CAMTA1: variants seen among roughly 807,000 people sequenced by gnomAD.
CAMTA1 encodes the protein calmodulin-binding transcription activator 1.
A neutral mutation model predicts 170.9 loss-of-function variants in CAMTA1; 27 were observed. That is an observed-to-expected ratio of 0.16 (90% CI 0.12 to 0.22). The LOEUF is 0.22. CAMTA1 is among the 10% of genes least tolerant of loss of function. The pLI, the probability that CAMTA1 is intolerant of heterozygous loss-of-function variation, is 1.00. For synonymous variants in CAMTA1, 833 were observed against 891.5 expected, an observed-to-expected ratio of 0.93 and a Z score of 1.17; for missense variants, 1,619 against 2,217.2, an observed-to-expected ratio of 0.73 and a Z score of 5.42.
chr1:6,821,317 A>G (rs543961965), intron 2 of CAMTA1, among the ~76,000 whole-genome samples: 2 of 152,340 alleles, frequency 1.3e-5, no homozygotes, highest in South Asian at 2.1e-4. Context: ...TATTTTGGAT[A>G]TATGGTGATT....
chr1:7,309,362 C>T (rs1339726482), intron 5 of CAMTA1, among the ~76,000 whole-genome samples: 1 of 134,090 alleles, frequency 7.5e-6, no homozygotes, highest in East Asian at 2.3e-4. Flanking sequence ...TGCAGTGACA[C>T]GATCTCAGCT....
chr1:6,794,975 A>G (rs1569954874), intron 1 of CAMTA1, among the ~76,000 whole-genome samples: 1 of 149,916 alleles, frequency 6.7e-6, no homozygotes, highest in South Asian at 2.1e-4. Context: ...GTTCCACCCC[A>G]TATTATTCAG....
At chr1:7,034,552 C>T (rs774325181) in intron 3 of CAMTA1, among the ~76,000 whole-genome samples, 15 of 152,214 alleles carry the variant, frequency 9.9e-5, no homozygotes, top group Non-Finnish European at 2.1e-4. Context: ...TTGAAGCAGC[C>T]TCTGCACAGC....
At chr1:7,230,226 G>A (rs929997721) in intron 4 of CAMTA1, among the ~76,000 whole-genome samples, 11 of 152,102 alleles carry the variant, frequency 7.2e-5, no homozygotes, top group African/African-American at 1.7e-4. Context: ...GGTTGCCAGC[G>A]CCCTCCTGAA....
intron 11 of CAMTA1, among the ~76,000 whole-genome samples, chr1:7,695,967 C>G (rs1270732330): frequency 6.6e-6 from 1 of 152,180 alleles, no homozygotes; most frequent in African/African-American, 2.4e-5. Flanking sequence ...CTCCTCTCTT[C>G]ATGACCTTGG....
At chr1:6,923,021 C>G (rs776114492) in intron 3 of CAMTA1, among the ~76,000 whole-genome samples, 10 of 152,058 alleles carry the variant, frequency 6.6e-5, no homozygotes, top group Non-Finnish European at 1.2e-4. Flanking sequence ...AAATAAGTAT[C>G]AATTAAGCTG....
intron 4 of CAMTA1, among the ~76,000 whole-genome samples, chr1:7,229,058 G>A (rs1256161454): frequency 6.6e-6 from 1 of 152,096 alleles, no homozygotes; most frequent in Non-Finnish European, 1.5e-5. Flanking sequence ...TGGAGCAGGT[G>A]GAGGGGAGCC....
At chr1:7,089,739 A>G (rs1317615188) in intron 3 of CAMTA1, among the ~76,000 whole-genome samples, 1 of 152,150 alleles carries the variant, frequency 6.6e-6, no homozygotes, top group Non-Finnish European at 1.5e-5. Flanking sequence ...AGCAATTAGA[A>G]TGCAGAGTGA....
chr1:7,072,641 G>A (rs1340204226), intron 3 of CAMTA1, among the ~76,000 whole-genome samples: 2 of 152,226 alleles, frequency 1.3e-5, no homozygotes. Flanking sequence ...GGGGTGGAGG[G>A]CCAGGCAGTG....
chr1:7,492,631 A>T (rs374458030), intron 6 of CAMTA1, among the ~76,000 whole-genome samples: 13 of 136,154 alleles, frequency 9.5e-5, no homozygotes, highest in Non-Finnish European at 1.6e-4. Context: ...ATACACGCGC[A>T]CACAAACACA....
chr1:7,000,392 T>C (rs890583580), intron 3 of CAMTA1, among the ~76,000 whole-genome samples: 12 of 152,190 alleles, frequency 7.9e-5, no homozygotes, highest in Non-Finnish European at 1.3e-4. Flanking sequence ...CTAGCTACCT[T>C]TGTCTTTTGA....
intron 3 of CAMTA1, among the ~76,000 whole-genome samples, chr1:6,944,792 G>A (rs1389558298): frequency 6.6e-6 from 1 of 152,194 alleles, no homozygotes; most frequent in Non-Finnish European, 1.5e-5. Flanking sequence ...TGTACCAATG[G>A]TGAAAGTGAT....
intron 4 of CAMTA1, among the ~76,000 whole-genome samples, chr1:7,203,489 GT>G (rs34908605): frequency 0.65 from 89,648 of 138,668 alleles, 29,066 homozygotes; most frequent in African/African-American, 0.78. Flanking sequence ...CTTGTGGGTA[GT>G]TTTTTTTTTT....
chr1:7,549,401 C>A (rs1054257766), intron 6 of CAMTA1, among the ~76,000 whole-genome samples: 1 of 152,106 alleles, frequency 6.6e-6, no homozygotes, highest in Admixed American at 6.5e-5. Flanking sequence ...CCTTCTCCTG[C>A]CACCACAGAA....
At chr1:7,375,129 A>C (rs538922928) in intron 5 of CAMTA1, among the ~76,000 whole-genome samples, 1 of 152,278 alleles carries the variant, frequency 6.6e-6, no homozygotes, top group Admixed American at 6.5e-5. Flanking sequence ...GGGTGCTTGC[A>C]GGGCTCCTTG....
At chr1:7,743,049 C>T (rs547200623) in intron 16 of CAMTA1, among the ~76,000 whole-genome samples, 49 of 152,258 alleles carry the variant, frequency 3.2e-4, no homozygotes, top group African/African-American at 1.1e-3. Flanking sequence ...GACAGGGTTT[C>T]GCCATATTGC....
chr1:7,638,878 A>G (rs2095737548), intron 6 of CAMTA1, among the ~76,000 whole-genome samples: 1 of 152,182 alleles, frequency 6.6e-6, no homozygotes, highest in Non-Finnish European at 1.5e-5. Flanking sequence ...GCCCCTGGGC[A>G]TGTCCTATCT....
intron 5 of CAMTA1, among the ~76,000 whole-genome samples, chr1:7,312,342 C>CT (rs779397416): frequency 2.0e-5 from 3 of 152,178 alleles, no homozygotes; most frequent in South Asian, 2.1e-4. Flanking sequence ...CTTCTGCTCT[C>CT]TTTGAGTGTC....
intron 5 of CAMTA1, among the ~76,000 whole-genome samples, chr1:7,274,215 A>G (rs918945052): frequency 2.0e-5 from 3 of 152,186 alleles, no homozygotes; most frequent in Non-Finnish European, 4.4e-5. Flanking sequence ...TTTCTACAAG[A>G]AACACTTTAA....
Sources: gnomAD v4.1 joint callset for allele counts (sites outside exome capture counted in the v4.1 genomes callset) on GRCh38, gnomAD v4.1.1 for gene constraint, MANE v1.5 for transcripts, NCBI Gene and HGNC (gene_info 2026-07-23, HGNC 2026-07-21) for gene names.